ZHX3: variants seen among roughly 807,000 people sequenced by gnomAD.
The protein encoded by ZHX3 is zinc fingers and homeoboxes protein 3.
In ZHX3, 20 loss-of-function variants were observed where a neutral mutation model predicts 64.5. That is an observed-to-expected ratio of 0.31 (90% CI 0.22 to 0.45). The LOEUF is 0.45. Ranked by LOEUF, ZHX3 falls within the 20% of genes least tolerant of loss-of-function variation. ZHX3 has a pLI of 1.00. For synonymous variants in ZHX3, 423 were observed against 461.6 expected (o/e 0.92, Z 1.07); for missense variants, 1,041 against 1,195.8 (o/e 0.87, Z 1.91).
At chr20:41,264,030 C>A (rs1346578892) in intron 2 of ZHX3, among the ~76,000 whole-genome samples, 1 of 152,050 alleles carries the variant, frequency 6.6e-6, no homozygotes, top group African/African-American at 2.4e-5. Context: ...TTGGATAAAA[C>A]TAAATAGATG....
intron 2 of ZHX3, among the ~76,000 whole-genome samples, chr20:41,206,175 T>C (rs559765941): frequency 6.6e-6 from 1 of 152,240 alleles, no homozygotes; most frequent in East Asian, 1.9e-4. Flanking sequence ...CAAAGGTAGA[T>C]AAAACCACAA....
intron 1 of ZHX3, among the ~76,000 whole-genome samples, chr20:41,289,208 C>A (rs2044099233): frequency 6.6e-6 from 1 of 151,736 alleles, no homozygotes; most frequent in Non-Finnish European, 1.5e-5. Flanking sequence ...CACTTTGTTG[C>A]CCAGGCTGGT....
At chr20:41,190,713 T>C (rs1370758217) in intron 3 of ZHX3, among the ~76,000 whole-genome samples, 2 of 152,238 alleles carry the variant, frequency 1.3e-5, no homozygotes, top group African/African-American at 2.4e-5. Flanking sequence ...TGAGCATTTC[T>C]TGTAGGGCCA....
intron 2 of ZHX3, among the ~76,000 whole-genome samples, chr20:41,245,430 T>C (rs1254207696): frequency 1.3e-5 from 2 of 152,236 alleles, no homozygotes; most frequent in Non-Finnish European, 2.9e-5. Context: ...CTGTGTCAGG[T>C]GCTGTGCTTT....
At position 41,179,406 on chromosome 20, in the gene ZHX3, T is replaced by TG. The variant is rs2036164403; in HGVS notation, c.*5784dup. 6.6e-6 allele frequency: 1 copy of TG among 152,132 alleles called. No homozygotes were observed. The highest frequency in any genetic ancestry group is 1.5e-5 in the Non-Finnish European group (1 of 68,038). The allele number at this position is 152,132 out of a possible 1,614,324, so 9.4% of individuals were successfully genotyped here. ...ACAATCTCATGTGGGGCTCTGGCCCTGTTCCAAGCAAACTGCAAGAACGAG... is the reference window on the plus strand; with the variant it reads ...ACAATCTCATGTGGGGCTCTGGCCCTGGTTCCAAGCAAACTGCAAGAACGAG... On this transcript the variant is annotated 3_prime_UTR_variant, in exon 4 of 4. Transcript: ENST00000683867. This position sits in a 1 kb window ranked among gnomAD's most constrained non-coding sequence, Gnocchi z 4.3.
At chr20:41,236,958 G>A (rs1303088378) in intron 2 of ZHX3, among the ~76,000 whole-genome samples, 1 of 152,202 alleles carries the variant, frequency 6.6e-6, no homozygotes, top group South Asian at 2.1e-4. Context: ...CAAAGGATAT[G>A]AACAGACACT....
intron 1 of ZHX3, among the ~76,000 whole-genome samples, chr20:41,273,590 G>A (rs939485584): frequency 6.6e-6 from 1 of 152,098 alleles, no homozygotes; most frequent in African/African-American, 2.4e-5. Flanking sequence ...AGTTGTACCT[G>A]CACCATTTGT....
In ZHX3 at chr20:41,184,441, T is replaced by A. The variant is rs1470029021; in HGVS notation, c.*750A>T. ...TTATGGTCCATGATTCAAACTCCCA[T>A]GAAAAAGCAGAATTACGGTAACAAC... On this transcript the variant is annotated 3_prime_UTR_variant, in exon 4 of 4. Coordinates refer to ENST00000683867, the MANE Select transcript of ZHX3 (RefSeq NM_001384317.1). 6.4e-6 allele frequency: 1 copy of A among 156,370 alleles called. No homozygotes were observed. The highest frequency in any genetic ancestry group is 1.4e-5 in the Non-Finnish European group (1 of 70,884). 9.7% of individuals were successfully genotyped at this position (156,370 alleles called of 1,614,324 possible). A position where few individuals can be genotyped will look rare whatever the true frequency, so the allele number is the denominator to read the frequency against.
chr20:41,231,587 C>A (rs2040610796), intron 2 of ZHX3, among the ~76,000 whole-genome samples: 1 of 152,152 alleles, frequency 6.6e-6, no homozygotes, highest in South Asian at 2.1e-4. Flanking sequence ...GGCTGACTTT[C>A]TCTCCAGATT....
At chr20:41,263,529 G>C (rs1002904058) in intron 2 of ZHX3, among the ~76,000 whole-genome samples, 4 of 151,676 alleles carry the variant, frequency 2.6e-5, no homozygotes, top group Non-Finnish European at 5.9e-5. Flanking sequence ...AGAGTAGCTG[G>C]GACTACACGT....
At position 41,185,211 on chromosome 20, in the gene ZHX3, A is replaced by G. The variant is rs781070639; in HGVS notation, c.2861-10T>C. ...CAAATTCAGTCTGTTTCTGAGAAGA[A>G]AACACATGCCTGTCACTCTACGGCA... On this transcript the variant is annotated splice_polypyrimidine_tract_variant and intron_variant, in intron 3 of 3. Coordinates refer to ENST00000683867, the MANE Select transcript of ZHX3 (RefSeq NM_001384317.1). This position sits in a 1 kb window ranked among gnomAD's most constrained non-coding sequence, Gnocchi z 5.0. The G allele has an allele frequency of 7.5e-6, 12 of 1,604,246 alleles. No homozygotes were observed. The highest frequency in any genetic ancestry group is 1.7e-5 in the Admixed American group (1 of 59,376).
rs2039789494 is a variant in ZHX3 at position 41,219,464 on chromosome 20, C to T, written c.-150-14398G>A. Among the ~76,000 whole-genome samples the T allele has an allele frequency of 6.6e-6, 1 of 152,184 alleles. No individual in the cohort carries two copies. The highest frequency in any genetic ancestry group is 6.5e-5 in the Admixed American group (1 of 15,276). The stretch of plus-strand genomic sequence containing the variant: ...TACCAGGTGGTTAGGATGGCCTATA[C>T]CTGAAGATCTCCAAAGATAGGGAGC... On this transcript the variant is annotated intron_variant, in intron 2 of 3. Transcript: ENST00000683867. This position sits in a 1 kb window ranked among gnomAD's most constrained non-coding sequence, Gnocchi z 5.0.
chr20:41,231,096 G>A (rs1035357804), intron 2 of ZHX3, among the ~76,000 whole-genome samples: 4 of 152,088 alleles, frequency 2.6e-5, no homozygotes, highest in Non-Finnish European at 5.9e-5. Context: ...TTTTCAGAAT[G>A]TCATATAGTT....
rs559798446 is a variant in ZHX3, at chr20:41,226,221, C to A, written c.-150-21155G>T. Among the ~76,000 whole-genome samples the A allele has an allele frequency of 3.9e-4, 60 of 152,156 alleles. No individual in the cohort carries two copies. The highest frequency in any genetic ancestry group is 2.5e-3 in the South Asian group (12 of 4,806). On this transcript the variant is annotated intron_variant, in intron 2 of 3. Transcript: ENST00000683867. This position sits in a 1 kb window ranked among gnomAD's most constrained non-coding sequence, Gnocchi z 4.4. ...AACCATTTTGGCTAACATGGTGAAA[C>A]CCCATCTCTACTAAAAATACAAAAA...
At chr20:41,216,329 C>A (rs1016763473) in intron 2 of ZHX3, among the ~76,000 whole-genome samples, 1 of 152,002 alleles carries the variant, frequency 6.6e-6, no homozygotes, top group Admixed American at 6.5e-5. Flanking sequence ...ATTTCTCTCT[C>A]GGAAAGAAAG....
intron 1 of ZHX3, among the ~76,000 whole-genome samples, chr20:41,288,692 T>C (rs1418879942): frequency 6.6e-6 from 1 of 152,222 alleles, no homozygotes; most frequent in African/African-American, 2.4e-5. Flanking sequence ...CACTCTTGTC[T>C]TATAACTAAC....
At chr20:41,205,682 C>G (rs2038647284) in intron 2 of ZHX3, among the ~76,000 whole-genome samples, 1 of 152,204 alleles carries the variant, frequency 6.6e-6, no homozygotes, top group Non-Finnish European at 1.5e-5. Flanking sequence ...CTTACAGTTA[C>G]TGGCTGTTAT....
At chr20:41,233,155 A>G (rs978661814) in intron 2 of ZHX3, among the ~76,000 whole-genome samples, 1 of 152,234 alleles carries the variant, frequency 6.6e-6, no homozygotes, top group Non-Finnish European at 1.5e-5. Context: ...TAGCTGGCAC[A>G]TGACCATGCA....
At position 41,201,377 on chromosome 20, in the gene ZHX3, C is replaced by A. The variant is rs979636802; in HGVS notation, c.2860+680G>T. The A allele has an allele frequency of 3.1e-6, 4 of 1,304,442 alleles. No homozygotes were observed. The African/African-American group carries it at 4.6e-5, about 15-fold the overall frequency. The allele number at this position is 1,304,442 out of a possible 1,614,324, so 80.8% of individuals were successfully genotyped here. A position where few individuals can be genotyped will look rare whatever the true frequency, so the allele number is the denominator to read the frequency against. On this transcript the variant is annotated intron_variant, in intron 3 of 3. Transcript: ENST00000683867. The surrounding 1 kb of genome is among the most constrained non-coding windows in gnomAD (Gnocchi z 5.0). ...AAGGGAGAGGCTGGGAACTCAGTGA[C>A]CAGGAACCTAGAAAATCAACACGTA...
Sources: allele counts gnomAD v4.1 joint callset (sites outside exome capture counted in the v4.1 genomes callset), GRCh38; gene constraint gnomAD v4.1.1; non-coding constraint Gnocchi (gnomAD v3.1); transcripts MANE v1.5; gene names NCBI Gene and HGNC (gene_info 2026-07-23, HGNC 2026-07-21).